The following DIS3L2 variants were observed in gnomAD, a reference collection of about 807,000 sequenced individuals.
DIS3L2 encodes the protein DIS3-like exonuclease 2.
A neutral mutation model predicts 97.5 loss-of-function variants in DIS3L2; 34 were observed. That is an observed-to-expected ratio of 0.35 (90% CI 0.27 to 0.46). DIS3L2 has a LOEUF of 0.46. DIS3L2 is among the 20% of genes least tolerant of loss of function. The probability of loss-of-function intolerance (pLI) is 1.00; values close to 1 mark genes in which losing one functional copy is unlikely to be tolerated. For missense variants in DIS3L2, 1,038 were observed against 1,146.0 expected, an observed-to-expected ratio of 0.91 and a Z score of 1.36; for synonymous variants, 435 against 445.2, an observed-to-expected ratio of 0.98 and a Z score of 0.29.
intron 1 of DIS3L2, among the ~76,000 whole-genome samples, chr2:231,971,445 ATTGTTTGT>A (rs753346691): frequency 6.6e-6 from 1 of 150,828 alleles, no homozygotes; most frequent in Non-Finnish European, 1.5e-5. Context: ...CGCCCAGCTC[ATTGTTTGT>A]TTGTTTGTTT....
intron 6 of DIS3L2, among the ~76,000 whole-genome samples, chr2:232,127,343 A>G (rs761713230): frequency 1.1e-4 from 16 of 152,200 alleles, no homozygotes; most frequent in Non-Finnish European, 2.1e-4. Flanking sequence ...TGATGCCACT[A>G]TCAACCTAAT....
At chr2:232,144,327 A>AT (rs1052006941) in intron 8 of DIS3L2, among the ~76,000 whole-genome samples, 3 of 152,034 alleles carry the variant, frequency 2.0e-5, no homozygotes, top group African/African-American at 7.2e-5. Context: ...TGTTAGACTC[A>AT]TTTTTGCCAG....
chr2:232,036,190 C>T (rs1047873258), intron 5 of DIS3L2, among the ~76,000 whole-genome samples: 9 of 152,152 alleles, frequency 5.9e-5, no homozygotes, highest in African/African-American at 1.9e-4. Context: ...CACATAGTCC[C>T]ATATTTCTTG....
chr2:232,077,340 G>C (rs10180497), intron 5 of DIS3L2, among the ~76,000 whole-genome samples: 21,451 of 151,174 alleles, frequency 0.14, 3,114 homozygotes, highest in African/African-American at 0.37. Context: ...ACAGATCTGT[G>C]CTTGGTAAAA....
intron 9 of DIS3L2, among the ~76,000 whole-genome samples, chr2:232,205,744 TCCTAGCAGCCAAAGCAAAAAGGA>T (rs1692011933): frequency 3.9e-5 from 6 of 152,310 alleles, no homozygotes; most frequent in African/African-American, 1.4e-4. Context: ...TTTCTGAGTT[TCCTAGCAGCCAAAGCAAAAAGGA>T]AAACTTTTTA....
At chr2:232,196,924 G>T (rs1274885582) in intron 9 of DIS3L2, among the ~76,000 whole-genome samples, 6 of 151,818 alleles carry the variant, frequency 4.0e-5, no homozygotes, top group African/African-American at 1.5e-4. Context: ...TGAAAAATAG[G>T]GGTGGCTTAA....
At position 232,116,816 on chromosome 2, in the gene DIS3L2, CAAAA is replaced by C. The variant is rs1230036733; in HGVS notation, c.602-13800_602-13797del. Among the ~76,000 whole-genome samples the C allele has an allele frequency of 6.6e-4, 76 of 115,592 alleles. No homozygotes were observed. The East Asian group carries it at 0.016, about 24-fold the overall frequency. The allele number at this position is 115,592 out of a possible 152,430, so 75.8% of individuals were successfully genotyped here. On this transcript the variant is annotated intron_variant, in intron 6 of 20. Transcript: ENST00000325385. The stretch of plus-strand genomic sequence containing the variant: ...GTTTTCAGATAATGCTTAAAACAAA[CAAAA>C]AACAAACAAAAAGAACAACAACAAC...
At chr2:232,069,966 G>C (rs910181467) in intron 5 of DIS3L2, among the ~76,000 whole-genome samples, 1 of 152,192 alleles carries the variant, frequency 6.6e-6, no homozygotes, top group Admixed American at 6.5e-5. Context: ...TGGTTTTTCT[G>C]TCTCTAGTAG....
rs528133197 is a variant in DIS3L2, at chr2:232,149,009, A to G, written c.950+12290A>G. The stretch of plus-strand genomic sequence containing the variant: ...CTTCTCCCCAGAAAAAGAGTTCTAT[A>G]AATGATGGCTGTAGAAATAGGCACT... On this transcript the variant is annotated intron_variant, in intron 8 of 20. Coordinates refer to ENST00000325385, the MANE Select transcript of DIS3L2 (RefSeq NM_152383.5). 3.6e-3 allele frequency among the ~76,000 whole-genome samples: 533 copies of G among 149,160 alleles called. 2 individuals carry two copies. The highest frequency in any genetic ancestry group is 5.8e-3 in the Non-Finnish European group (391 of 67,490).
chr2:232,342,212 CATATATACACAT>C (rs1559225059), intron 13 of DIS3L2, among the ~76,000 whole-genome samples: 2 of 150,844 alleles, frequency 1.3e-5, no homozygotes, highest in Non-Finnish European at 2.9e-5. Context: ...CATATATACA[CATATATACACAT>C]ACATATATAC....
intron 6 of DIS3L2, among the ~76,000 whole-genome samples, chr2:232,113,420 A>T (rs1486472197): frequency 6.6e-6 from 1 of 152,216 alleles, no homozygotes; most frequent in Non-Finnish European, 1.5e-5. Flanking sequence ...CACCTTTGCC[A>T]TGCAAGTCTT....
intron 1 of DIS3L2, among the ~76,000 whole-genome samples, chr2:232,001,888 T>C (rs1693920930): frequency 6.6e-6 from 1 of 151,958 alleles, no homozygotes; most frequent in East Asian, 1.9e-4. Context: ...ACCAGCAAAT[T>C]TTTGTATTTT....
intron 14 of DIS3L2, among the ~76,000 whole-genome samples, chr2:232,308,967 T>A (rs1189265980): frequency 1.3e-5 from 2 of 152,220 alleles, no homozygotes; most frequent in African/African-American, 4.8e-5. Flanking sequence ...AGGATTAATG[T>A]ACGAGAGGTG....
intron 5 of DIS3L2, among the ~76,000 whole-genome samples, chr2:232,083,209 G>C (rs150900173): frequency 2.0e-4 from 30 of 151,228 alleles, no homozygotes; most frequent in African/African-American, 5.8e-4. Context: ...CTTAAACTTC[G>C]TATGCATGAG....
At chr2:232,013,857 T>G (rs1241323411) in intron 1 of DIS3L2, among the ~76,000 whole-genome samples, 1 of 152,190 alleles carries the variant, frequency 6.6e-6, no homozygotes, top group Non-Finnish European at 1.5e-5. Context: ...TTTCCCTAAG[T>G]GGCCTATTAT....
chr2:232,157,350 A>G (rs542413762), intron 8 of DIS3L2, among the ~76,000 whole-genome samples: 2 of 152,278 alleles, frequency 1.3e-5, no homozygotes, highest in East Asian at 1.9e-4. Context: ...AGGATGCTAA[A>G]TCAGAGCACC....
intron 8 of DIS3L2, among the ~76,000 whole-genome samples, chr2:232,147,601 A>G (rs1306165238): frequency 1.3e-5 from 2 of 152,180 alleles, no homozygotes; most frequent in African/African-American, 2.4e-5. Context: ...GAATCACCAG[A>G]TATTTTGACA....
chr2:232,083,394 C>T (rs535023724), intron 5 of DIS3L2, among the ~76,000 whole-genome samples: 12 of 151,658 alleles, frequency 7.9e-5, no homozygotes, highest in Non-Finnish European at 1.5e-4. Context: ...GATATTTCTC[C>T]GTGGTTGGTG....
intron 12 of DIS3L2, among the ~76,000 whole-genome samples, chr2:232,261,813 G>C (rs1693719031): frequency 6.6e-6 from 1 of 152,204 alleles, no homozygotes; most frequent in African/African-American, 2.4e-5. Context: ...GGGCTGGACT[G>C]CCTGGGTTCA....
Sources: gnomAD v4.1 joint callset for allele counts (sites outside exome capture counted in the v4.1 genomes callset) on GRCh38, gnomAD v4.1.1 for gene constraint, MANE v1.5 for transcripts, NCBI Gene and HGNC (gene_info 2026-07-23, HGNC 2026-07-21) for gene names.